The following ASAP1 variants were observed in gnomAD, a reference collection of about 807,000 sequenced individuals.
The protein encoded by ASAP1 is arf-GAP with SH3 domain, ANK repeat and PH domain-containing protein 1.
ASAP1 carries 43 observed loss-of-function variants against 145.2 expected under a neutral mutation model. That is an observed-to-expected ratio of 0.30 (90% CI 0.23 to 0.38). ASAP1 has a LOEUF of 0.38. ASAP1 is among the 10% of genes least tolerant of loss of function. The pLI is 1.00. For synonymous variants in ASAP1, 546 were observed against 515.5 expected, an observed-to-expected ratio of 1.06 and a Z score of -0.80; for missense variants, 1,018 against 1,355.3, an observed-to-expected ratio of 0.75 and a Z score of 3.91.
chr8:130,143,745 G>C (rs75814921), intron 13 of ASAP1, among the ~76,000 whole-genome samples: 2,365 of 152,270 alleles, frequency 0.016, 29 homozygotes, highest in South Asian at 0.034. Flanking sequence ...TTTCCTAAAA[G>C]AAAATAAACA....
intron 5 of ASAP1, among the ~76,000 whole-genome samples, chr8:130,200,174 T>C (rs1200044274): frequency 6.6e-6 from 1 of 152,154 alleles, no homozygotes; most frequent in Non-Finnish European, 1.5e-5. Flanking sequence ...AGTAACTAAA[T>C]AATATATAAT....
At chr8:130,257,402 T>A (rs1819628428) in intron 3 of ASAP1, among the ~76,000 whole-genome samples, 1 of 152,180 alleles carries the variant, frequency 6.6e-6, no homozygotes, top group Non-Finnish European at 1.5e-5. Flanking sequence ...TTTACATAGT[T>A]TGGCTAATGT....
chr8:130,174,643 A>T (rs1476804157), intron 9 of ASAP1, among the ~76,000 whole-genome samples: 1 of 152,240 alleles, frequency 6.6e-6, no homozygotes, highest in Non-Finnish European at 1.5e-5. Context: ...AGATTGGGCC[A>T]ATAACCAACA....
At chr8:130,369,106 T>C (rs937672034) in intron 2 of ASAP1, among the ~76,000 whole-genome samples, 1 of 152,172 alleles carries the variant, frequency 6.6e-6, no homozygotes, top group Non-Finnish European at 1.5e-5. Context: ...ATAATACACA[T>C]AACAGAATGG....
chr8:130,344,732 G>A (rs190175334), intron 3 of ASAP1, among the ~76,000 whole-genome samples: 25 of 151,944 alleles, frequency 1.6e-4, no homozygotes, highest in African/African-American at 4.6e-4. Context: ...GTGAGATTGC[G>A]TCTCTTAAAA....
intron 3 of ASAP1, among the ~76,000 whole-genome samples, chr8:130,341,322 C>T (rs1007256048): frequency 6.6e-6 from 1 of 152,078 alleles, no homozygotes; most frequent in African/African-American, 2.4e-5. Context: ...CATGAAGCAC[C>T]CACAGTGTCT....
intron 24 of ASAP1, among the ~76,000 whole-genome samples, chr8:130,108,165 C>T (rs1267285035): frequency 6.6e-6 from 1 of 152,196 alleles, no homozygotes; most frequent in East Asian, 1.9e-4. Flanking sequence ...AGGTTATCTG[C>T]TAGTTTATTA....
intron 5 of ASAP1, among the ~76,000 whole-genome samples, chr8:130,200,221 GGACA>G (rs1453757552): frequency 4.6e-5 from 7 of 152,006 alleles, no homozygotes; most frequent in Non-Finnish European, 8.8e-5. Context: ...ATTACATTTT[GGACA>G]GTGGTAAATG....
rs577094708 is a variant in ASAP1, at chr8:130,076,835, C to A, written c.2643-429G>T. 9.2e-5 allele frequency among the ~76,000 whole-genome samples: 14 copies of A among 152,246 alleles called. No individual in the cohort carries two copies. In the South Asian group the frequency reaches 2.1e-3, roughly 23 times the overall value. ...GTGCCCAGCCTCAAAATGTCTTTAACAAAAGATTAGTCTATTTTCCATATT... is the reference window on the plus strand; with the variant it reads ...GTGCCCAGCCTCAAAATGTCTTTAAAAAAAGATTAGTCTATTTTCCATATT... On this transcript the variant is annotated intron_variant, in intron 26 of 29. Transcript: ENST00000518721.
rs2097565035 is a variant in ASAP1 at position 130,121,058 on chromosome 8, A to C, written c.1608-2383T>G. ...TTGGGTGTCATCTTGACTGAGTCTT[A>C]AACATCTCATATTAAAACTGATCAG... On this transcript the variant is annotated intron_variant, in intron 18 of 29. Coordinates refer to ENST00000518721, the MANE Select transcript of ASAP1 (RefSeq NM_018482.4). Among the ~76,000 whole-genome samples the C allele has an allele frequency of 2.0e-5, 3 of 152,202 alleles. No homozygotes were observed. The South Asian group carries it at 6.2e-4, about 31-fold the overall frequency.
chr8:130,165,673 C>A (rs1330777359), intron 11 of ASAP1, among the ~76,000 whole-genome samples: 1 of 152,152 alleles, frequency 6.6e-6, no homozygotes. Flanking sequence ...ATGTTCCTGG[C>A]CACTCTGCCT....
At chr8:130,226,550 C>T (rs980141182) in intron 4 of ASAP1, among the ~76,000 whole-genome samples, 3 of 152,194 alleles carry the variant, frequency 2.0e-5, no homozygotes, top group Non-Finnish European at 4.4e-5. Context: ...TATAATTTCT[C>T]AAGGTCATTT....
chr8:130,370,997 T>C (rs763579546), intron 2 of ASAP1, among the ~76,000 whole-genome samples: 6 of 152,212 alleles, frequency 3.9e-5, no homozygotes, highest in African/African-American at 4.8e-5. Flanking sequence ...ATTTTGTGAA[T>C]ACACTAAAAA....
rs541777327 is a variant in ASAP1, at chr8:130,273,801, A to G, written c.187-36807T>C. 9.2e-5 allele frequency among the ~76,000 whole-genome samples: 14 copies of G among 152,282 alleles called. No homozygotes were observed. In the South Asian group the frequency reaches 2.1e-3, roughly 23 times the overall value. On this transcript the variant is annotated intron_variant, in intron 3 of 29. Transcript: ENST00000518721. Reference sequence around the variant, plus strand: ...ATGTAACACTCCCCAGGTGATTCCAATGGGCAGCCAGGGTTAACACTGCCC... The same window carrying G: ...ATGTAACACTCCCCAGGTGATTCCAGTGGGCAGCCAGGGTTAACACTGCCC...
At position 130,180,799 on chromosome 8, in the gene ASAP1, C is replaced by G. The variant is rs753785508; in HGVS notation, c.612G>C (p.Ala204=). The change falls in exon 8 of 30, where the codon GCG becomes GCC. Residue 204 remains alanine (A), a synonymous_variant. Transcript: ENST00000518721. ...IRTEITGAEI[A]EEMEKERRLF... is the part of the protein sequence containing the mutation. ...GGCGCCTTTCCTTCTCCATTTCTTCCGCAATCTCAGCTCCTGTTATCTCTG... is the reference window on the plus strand; with the variant it reads ...GGCGCCTTTCCTTCTCCATTTCTTCGGCAATCTCAGCTCCTGTTATCTCTG... 23 of 1,613,502 alleles carry G rather than the reference C, an allele frequency of 1.4e-5. No individual in the cohort carries two copies. Among genetic ancestry groups the G allele is most frequent in the Non-Finnish European group, 8.5e-6 (10 of 1,179,802 alleles).
chr8:130,379,353 C>T (rs932455841), intron 2 of ASAP1, among the ~76,000 whole-genome samples: 1 of 152,152 alleles, frequency 6.6e-6, no homozygotes, highest in Admixed American at 6.5e-5. Flanking sequence ...CGAGATCAAG[C>T]GTGTTCAGGG....
intron 3 of ASAP1, among the ~76,000 whole-genome samples, chr8:130,295,328 A>G (rs558059059): frequency 2.6e-5 from 4 of 152,202 alleles, no homozygotes; most frequent in Non-Finnish European, 5.9e-5. Flanking sequence ...AAAACTCTGA[A>G]GATAGTAACT....
At chr8:130,150,521 T>C (rs2097643613) in intron 13 of ASAP1, among the ~76,000 whole-genome samples, 2 of 152,172 alleles carry the variant, frequency 1.3e-5, no homozygotes, top group South Asian at 4.1e-4. Context: ...TAGTGAGGAC[T>C]GTTACAGCCT....
At chr8:130,439,396 C>T (rs982702461) in intron 1 of ASAP1, among the ~76,000 whole-genome samples, 3 of 152,034 alleles carry the variant, frequency 2.0e-5, no homozygotes, top group East Asian at 1.9e-4. Context: ...AATTTGTTAC[C>T]GCAGCAATAA....
Sources: gnomAD v4.1 joint callset for allele counts (sites outside exome capture counted in the v4.1 genomes callset) on GRCh38, gnomAD v4.1.1 for gene constraint, MANE v1.5 for transcripts, NCBI Gene and HGNC (gene_info 2026-07-23, HGNC 2026-07-21) for gene names.